Variants in PRICKLE1 observed in about 807,000 individuals in gnomAD.
PRICKLE1 encodes the protein prickle planar cell polarity protein 1.
In PRICKLE1, 14 loss-of-function variants were observed where a neutral mutation model predicts 70.2. That is an observed-to-expected ratio of 0.20 (90% CI 0.13 to 0.31). The LOEUF is 0.31. Ranked by LOEUF, PRICKLE1 falls within the 10% of genes least tolerant of loss-of-function variation. PRICKLE1 has a pLI of 1.00. For synonymous variants in PRICKLE1, 357 were observed against 379.9 expected, an observed-to-expected ratio of 0.94 and a Z score of 0.70; for missense variants, 821 against 1,026.2, an observed-to-expected ratio of 0.80 and a Z score of 2.73.
intron 1 of PRICKLE1, among the ~76,000 whole-genome samples, chr12:42,512,477 G>C (rs1376336280): frequency 6.6e-6 from 1 of 152,132 alleles, no homozygotes; most frequent in African/African-American, 2.4e-5. Flanking sequence ...TGCCCAGCTG[G>C]ACATTGTGTT....
At chr12:42,467,610 G>T (rs943422240) in intron 5 of PRICKLE1, among the ~76,000 whole-genome samples, 1 of 152,052 alleles carries the variant, frequency 6.6e-6, no homozygotes, top group Non-Finnish European at 1.5e-5. Context: ...GCTGGGCGTG[G>T]TGGTGGGCAC....
At chr12:42,570,201 T>C (rs1262970732) in intron 1 of PRICKLE1, among the ~76,000 whole-genome samples, 1 of 151,754 alleles carries the variant, frequency 6.6e-6, no homozygotes, top group Admixed American at 6.5e-5. Context: ...CACTGTGCAC[T>C]GTTAAACAAT....
chr12:42,540,666 G>A lies in PRICKLE1; in HGVS notation c.-49+48799C>T, dbSNP rs531909119. 7.2e-5 allele frequency among the ~76,000 whole-genome samples: 11 copies of A among 152,072 alleles called. No homozygotes were observed. The East Asian group carries it at 1.9e-3, about 27-fold the overall frequency. On this transcript the variant is annotated intron_variant, in intron 1 of 7. Transcript: ENST00000345127. ...TAACCTCCGCCTCCCGGGTTCAAGC[G>A]ATTCTCCTGCCTCAGCCTCCCAAGT...
chr12:42,477,837 T>C (rs897541722), intron 1 of PRICKLE1, among the ~76,000 whole-genome samples: 8 of 152,152 alleles, frequency 5.3e-5, no homozygotes, highest in Admixed American at 3.3e-4. Flanking sequence ...GGCTGCATTA[T>C]AATGGAAATA....
intron 1 of PRICKLE1, among the ~76,000 whole-genome samples, chr12:42,574,924 A>G (rs1323850100): frequency 1.3e-5 from 2 of 148,816 alleles, no homozygotes; most frequent in Non-Finnish European, 3.0e-5. Flanking sequence ...TTTTTTTAAG[A>G]TTAAAAAAAA....
In PRICKLE1 at chr12:42,465,057, C is replaced by G; in HGVS notation, c.977G>C (p.Arg326Pro). Residue 326 changes from arginine (R) to proline (P), a missense_variant, in exon 7 of 8, where the codon CGA becomes CCA. Physicochemically the swap from Arg to Pro is moderately radical, Grantham distance 103 (BLOSUM62 -2). Coordinates refer to ENST00000345127, the MANE Select transcript of PRICKLE1 (RefSeq NM_153026.3). ...GACACTTCTTCGGGAGTCTCTTGAT[C>G]GAGCTGACTGAAATGCAGAGTCGGA... The part of the protein sequence containing the change: ...DSSDSAFQSA[R>P]SRDSRRSVRM... 1 of 1,577,600 alleles carries G rather than the reference C, an allele frequency of 6.3e-7. No homozygotes were observed. Among genetic ancestry groups the G allele is most frequent in the Non-Finnish European group, 8.6e-7 (1 of 1,164,398 alleles).
chr12:42,531,174 G>C (rs1278445938), intron 1 of PRICKLE1, among the ~76,000 whole-genome samples: 1 of 149,796 alleles, frequency 6.7e-6, no homozygotes, highest in Non-Finnish European at 1.5e-5. Context: ...AGCCTCCTGA[G>C]TAGCTGGGAC....
At chr12:42,482,774 T>C (rs530677682) in intron 1 of PRICKLE1, 1 of 152,418 alleles carries the variant, frequency 6.6e-6, no homozygotes, top group Non-Finnish European at 1.5e-5. Context: ...AAGGAAAGGA[T>C]GTCACCGTAC....
rs764145941 is a variant in PRICKLE1 at position 42,469,587 on chromosome 12, C to T, written c.247G>A (p.Val83Ile). The change falls in exon 4 of 8, where the codon GTA (valine) becomes ATA (isoleucine). Residue 83 changes from valine to isoleucine, a missense_variant and splice_region_variant. Coordinates refer to ENST00000345127, the MANE Select transcript of PRICKLE1 (RefSeq NM_153026.3). The stretch of plus-strand genomic sequence containing the variant: ...TCACTCAAAGACTGGCAATACCGTA[C>T]CTTCACAGAAAGCAAAACAGAAACA... ...LYQLPPHDNE[V>I]RYCQSLSEEE... is the part of the protein sequence containing the mutation. 2 of 1,614,054 alleles carry T rather than the reference C, an allele frequency of 1.2e-6. No homozygotes were observed. The highest frequency in any genetic ancestry group is 2.2e-5 in the South Asian group (2 of 91,082).
At chr12:42,480,085 G>A (rs908179090) in intron 1 of PRICKLE1, among the ~76,000 whole-genome samples, 2 of 152,146 alleles carry the variant, frequency 1.3e-5, no homozygotes, top group African/African-American at 2.4e-5. Context: ...CACTGGCTTC[G>A]GGATTCAAGA....
intron 1 of PRICKLE1, among the ~76,000 whole-genome samples, chr12:42,489,449 G>C (rs7971509): frequency 0.038 from 5,638 of 150,168 alleles, 357 homozygotes; most frequent in African/African-American, 0.13. Flanking sequence ...CACTTGAGGT[G>C]AGGAGTTCGA....
At chr12:42,465,780 C>T (rs544511721) in intron 6 of PRICKLE1, 4 of 309,542 alleles carry the variant, frequency 1.3e-5, no homozygotes, top group Non-Finnish European at 1.8e-5. Flanking sequence ...ATCTTGAGTA[C>T]GGTACCACTG....
intron 1 of PRICKLE1, among the ~76,000 whole-genome samples, chr12:42,536,824 C>T (rs1445482578): frequency 1.3e-5 from 2 of 152,162 alleles, no homozygotes; most frequent in Non-Finnish European, 2.9e-5. Context: ...AGCTTTTCTT[C>T]ACTTGGTGTG....
In PRICKLE1 at chr12:42,472,565, C is replaced by A; in HGVS notation, c.-48-1G>T. The A allele has an allele frequency of 6.2e-7, 1 of 1,612,382 alleles. No individual in the cohort carries two copies. On this transcript the variant is annotated splice_acceptor_variant, in intron 1 of 7. Coordinates refer to ENST00000345127, the MANE Select transcript of PRICKLE1 (RefSeq NM_153026.3). LOFTEE classifies it low-confidence loss of function (5UTR_SPLICE). ...GTCACAGGACATCAAACAATGGCTG[C>A]TGTGAACAATATAAGAAAAAACAAA... is the stretch of plus-strand genomic sequence containing the variant.
At chr12:42,570,135 CTAGATGTTTCAAT>C (rs1940684016) in intron 1 of PRICKLE1, among the ~76,000 whole-genome samples, 1 of 152,220 alleles carries the variant, frequency 6.6e-6, no homozygotes, top group Non-Finnish European at 1.5e-5. Context: ...CTGAATTACC[CTAGATGTTTCAAT>C]TAGATATAGC....
intron 1 of PRICKLE1, among the ~76,000 whole-genome samples, chr12:42,538,283 G>A (rs76094268): frequency 0.011 from 1,626 of 152,186 alleles, 17 homozygotes; most frequent in Non-Finnish European, 0.017. Context: ...CTATCAAGTT[G>A]CTCAACAGCT....
Position 42,464,553 on chromosome 12 carries a change from C to T in PRICKLE1, c.1481G>A (p.Ser494Asn). Residue 494 changes from serine (S) to asparagine (N), a missense_variant, in exon 7 of 8, where the codon AGT becomes AAT. By Grantham distance (46) the Ser-to-Asn change is conservative. Coordinates refer to ENST00000345127, the MANE Select transcript of PRICKLE1 (RefSeq NM_153026.3). This position sits in a 1 kb window ranked among gnomAD's most constrained non-coding sequence, Gnocchi z 4.2. ...AYGSHPGPAS[S>N]RRLQELELDH... is the part of the protein sequence containing the mutation. ...CAGTTCCAATTCCTGAAGCCTTCTA[C>T]TGCTTGCAGGGCCTGGGTGGCTGCC... 1 of 1,613,984 alleles carries T rather than the reference C, an allele frequency of 6.2e-7. No homozygotes were observed. Among genetic ancestry groups the T allele is most frequent in the Non-Finnish European group, 8.5e-7 (1 of 1,180,012 alleles).
chr12:42,466,962 A>C (rs948736496), intron 5 of PRICKLE1, among the ~76,000 whole-genome samples: 55 of 152,154 alleles, frequency 3.6e-4, no homozygotes, highest in African/African-American at 1.3e-3. Context: ...CTGCAGCCTC[A>C]AACTCCTGGG....
intron 1 of PRICKLE1, among the ~76,000 whole-genome samples, chr12:42,479,077 G>A (rs1938690310): frequency 6.6e-6 from 1 of 152,176 alleles, no homozygotes; most frequent in Admixed American, 6.5e-5. Context: ...GCCTTCCAAA[G>A]ATGGTCTAAG....
Sources: allele counts gnomAD v4.1 joint callset (sites outside exome capture counted in the v4.1 genomes callset), GRCh38; gene constraint gnomAD v4.1.1; non-coding constraint Gnocchi (gnomAD v3.1); transcripts MANE v1.5; gene names NCBI Gene and HGNC (gene_info 2026-07-23, HGNC 2026-07-21).